The following VWA3B variants were observed in gnomAD, a reference collection of about 807,000 sequenced individuals.
VWA3B encodes the protein von Willebrand factor A domain containing 3B.
Under a neutral mutation model 158.3 loss-of-function variants are expected in VWA3B, and 138 were observed. The observed-to-expected ratio is 0.87, with a 90% confidence interval of 0.76 to 1.00. The LOEUF is 1.00. Among genes scored for constraint, VWA3B ranks in the 50% least tolerant of loss-of-function variants. The pLI, the probability that VWA3B is intolerant of heterozygous loss-of-function variation, is 0.00. For missense variants in VWA3B, 1,555 were observed against 1,565.1 expected (o/e 0.99, Z 0.11); for synonymous variants, 596 against 587.3 (o/e 1.01, Z -0.21).
intron 21 of VWA3B, among the ~76,000 whole-genome samples, chr2:98,262,493 C>T (rs1405485122): frequency 6.6e-6 from 1 of 151,744 alleles, no homozygotes; most frequent in Non-Finnish European, 1.5e-5. Context: ...TATGGATAAC[C>T]AGTTTCCCCA....
At chr2:98,223,958 C>A (rs796648034) in intron 14 of VWA3B, among the ~76,000 whole-genome samples, 9 of 152,148 alleles carry the variant, frequency 5.9e-5, no homozygotes, top group African/African-American at 2.2e-4. Context: ...GAACTCCTGG[C>A]CTCAAGCAGT....
Position 98,097,462 on chromosome 2 carries a change from C to A in VWA3B, c.196+4174C>A, listed in dbSNP as rs553270198. On this transcript the variant is annotated intron_variant, in intron 2 of 27. Transcript: ENST00000477737. Reference sequence around the variant, plus strand: ...TCTTTTTTTATGCCTGAGTAATATTCCACATTTTCTTCTACCACATTATCC... The same window carrying A: ...TCTTTTTTTATGCCTGAGTAATATTACACATTTTCTTCTACCACATTATCC... Among the ~76,000 whole-genome samples, 12 of 152,246 alleles carry A rather than the reference C, an allele frequency of 7.9e-5. No individual in the cohort carries two copies. The South Asian group carries it at 2.3e-3, about 29-fold the overall frequency.
chr2:98,304,949 T>C (rs949137122), intron 26 of VWA3B, among the ~76,000 whole-genome samples: 1 of 152,020 alleles, frequency 6.6e-6, no homozygotes, highest in African/African-American at 2.4e-5. Context: ...GTCCCCACTC[T>C]CCTGTTCACT....
chr2:98,312,143 C>T, intron 27 of VWA3B, 57 bp from the exon 28 acceptor site: 1 of 1,614,066 alleles, frequency 6.2e-7, no homozygotes, highest in Non-Finnish European at 8.5e-7. Flanking sequence ...CCTGTTTAGG[C>T]TCCAGTGCAG....
At chr2:98,226,935 T>A (rs1684960836) in intron 14 of VWA3B, among the ~76,000 whole-genome samples, 1 of 152,128 alleles carries the variant, frequency 6.6e-6, no homozygotes, top group Non-Finnish European at 1.5e-5. Context: ...CCATAGCCAA[T>A]ATCATACTGA....
chr2:98,314,138 G>A (rs1015676529), downstream of VWA3B, among the ~76,000 whole-genome samples: 5 of 152,222 alleles, frequency 3.3e-5, no homozygotes, highest in Non-Finnish European at 5.9e-5. Flanking sequence ...AGCATAGGGA[G>A]GGGGAACCCA....
chr2:98,129,281 GGAGAGAGAGGA>G (rs1435078247), intron 6 of VWA3B, among the ~76,000 whole-genome samples: 66 of 148,992 alleles, frequency 4.4e-4, no homozygotes, highest in Non-Finnish European at 4.0e-4. Context: ...AGGAGAGAGA[GGAGAGAGAGGA>G]GAGAGAGAGG....
chr2:98,143,184 C>T (rs994781213), intron 7 of VWA3B, among the ~76,000 whole-genome samples: 2 of 152,010 alleles, frequency 1.3e-5, no homozygotes, highest in Admixed American at 6.6e-5. Flanking sequence ...GGATTACATG[C>T]GCCTGCCATC....
intron 26 of VWA3B, among the ~76,000 whole-genome samples, chr2:98,310,773 CT>C: frequency 6.6e-6 from 1 of 152,312 alleles, no homozygotes; most frequent in East Asian, 1.9e-4. Flanking sequence ...ATGATTTTGT[CT>C]GTGGCCTCCC....
At chr2:98,119,079 A>C (rs1005428658) in intron 3 of VWA3B, among the ~76,000 whole-genome samples, 1 of 152,224 alleles carries the variant, frequency 6.6e-6, no homozygotes, top group African/African-American at 2.4e-5. Context: ...CCTTTAGAGG[A>C]AGCCAGGAAG....
At chr2:98,234,569 C>T (rs1465769482) in intron 16 of VWA3B, 79 bp from the exon 17 acceptor site, 1 of 1,581,140 alleles carries the variant, frequency 6.3e-7, no homozygotes, top group African/African-American at 1.4e-5. Context: ...CTTTAAGGAG[C>T]TGATAAAATA....
At chr2:98,249,467 G>A (rs1346383370) in intron 19 of VWA3B, among the ~76,000 whole-genome samples, 2 of 152,168 alleles carry the variant, frequency 1.3e-5, no homozygotes, top group African/African-American at 2.4e-5. Flanking sequence ...CTGTTACCCT[G>A]TTTGTGCCTT....
At chr2:98,124,159 G>A (rs941060367) in intron 5 of VWA3B, among the ~76,000 whole-genome samples, 1 of 152,196 alleles carries the variant, frequency 6.6e-6, no homozygotes, top group Non-Finnish European at 1.5e-5. Flanking sequence ...AGTGGTTCAG[G>A]CAGGCATCAG....
At chr2:98,281,717 G>A (rs1688885600) in intron 22 of VWA3B, among the ~76,000 whole-genome samples, 1 of 151,840 alleles carries the variant, frequency 6.6e-6, no homozygotes, top group African/African-American at 2.4e-5. Flanking sequence ...ACACCATTTG[G>A]GGCCCTCGTC....
intron 7 of VWA3B, among the ~76,000 whole-genome samples, chr2:98,152,993 T>C (rs1391717730): frequency 6.6e-6 from 1 of 152,262 alleles, no homozygotes. Context: ...TCTCACAGTT[T>C]GGTAGACCAG....
intron 13 of VWA3B, among the ~76,000 whole-genome samples, chr2:98,212,665 G>T (rs915717771): frequency 9.9e-5 from 15 of 152,158 alleles, no homozygotes; most frequent in African/African-American, 3.4e-4. Flanking sequence ...CTTGTGAGAT[G>T]GTTTGCATAT....
At chr2:98,329,056 A>G in the VWA3B span, among the ~76,000 whole-genome samples, 1 of 152,212 alleles carries the variant, frequency 6.6e-6, no homozygotes. Flanking sequence ...CTGATTTTCA[A>G]CAAAAGTCCC....
At chr2:98,309,907 C>T (rs2106021828) in intron 26 of VWA3B, among the ~76,000 whole-genome samples, 1 of 152,318 alleles carries the variant, frequency 6.6e-6, no homozygotes, top group Middle Eastern at 3.4e-3. Context: ...AGTTCAGCAA[C>T]AAACCCTGTC....
At chr2:98,328,727 A>G in the VWA3B span, among the ~76,000 whole-genome samples, 3 of 152,216 alleles carry the variant, frequency 2.0e-5, no homozygotes, top group Admixed American at 6.5e-5. Context: ...GATTGGGGGG[A>G]AAAGATCAAC....
Sources: allele counts gnomAD v4.1 joint callset (sites outside exome capture counted in the v4.1 genomes callset), GRCh38; gene constraint gnomAD v4.1.1; transcripts MANE v1.5; gene names NCBI Gene and HGNC (gene_info 2026-07-23, HGNC 2026-07-21).